Variants in CRYAB observed in about 807,000 individuals in gnomAD.
CRYAB encodes crystallin alpha B.
Under a neutral mutation model 12.7 loss-of-function variants are expected in CRYAB, and 9 were observed. The observed-to-expected ratio is 0.71, with a 90% CI of 0.43 to 1.24. The LOEUF is 1.24. Ranked by LOEUF, CRYAB falls within the 50% of genes most tolerant of loss-of-function variation. The probability of loss-of-function intolerance (pLI) is 0.00; values close to 1 mark genes in which losing one functional copy is unlikely to be tolerated. For missense variants in CRYAB, 183 were observed against 226.6 expected (o/e 0.81, Z 1.24); for synonymous variants, 93 against 86.8 (o/e 1.07, Z -0.40).
intron 2 of CRYAB, chr11:111,909,323 C>T (rs1965378803): frequency 4.4e-6 from 2 of 452,244 alleles, no homozygotes; most frequent in African/African-American, 2.0e-5. Flanking sequence ...CTGAAATTGT[C>T]CTGACTCTTC....
upstream of CRYAB, among the ~76,000 whole-genome samples, chr11:111,917,681 A>ATT (rs782338964): frequency 1.4e-5 from 2 of 143,110 alleles, no homozygotes; most frequent in African/African-American, 5.1e-5. Flanking sequence ...CTCTAAAAAG[A>ATT]TTTTTTTTTT....
chr11:111,920,799 A>G (rs1965684472), intron 1 of CRYAB, among the ~76,000 whole-genome samples: 1 of 152,152 alleles, frequency 6.6e-6, no homozygotes, highest in African/African-American at 2.4e-5. Flanking sequence ...CAGAAGTAGG[A>G]AAAAGAAGAA....
intron 1 of CRYAB, among the ~76,000 whole-genome samples, chr11:111,923,540 A>G (rs587658415): frequency 8.5e-5 from 13 of 152,322 alleles, no homozygotes; most frequent in African/African-American, 2.9e-4. Context: ...ATCCGGAGTA[A>G]GCCCCAAACT....
chr11:111,916,834 CCTTTTCTTTT>C (rs1231355997), upstream of CRYAB, among the ~76,000 whole-genome samples: 1 of 151,788 alleles, frequency 6.6e-6, no homozygotes, highest in Non-Finnish European at 1.5e-5. Context: ...GATTTCCTTT[CCTTTTCTTTT>C]CTTTTCCTTT....
At chr11:111,919,361 T>TA (rs1292330119) in intron 1 of CRYAB, 3 of 207,382 alleles carry the variant, frequency 1.4e-5, no homozygotes, top group Non-Finnish European at 3.0e-5. Flanking sequence ...TAGTCCCAGC[T>TA]ACTCGGGAGG....
At chr11:111,921,913 A>C (rs1965706324) in intron 1 of CRYAB, among the ~76,000 whole-genome samples, 1 of 152,232 alleles carries the variant, frequency 6.6e-6, no homozygotes, top group African/African-American at 2.4e-5. Context: ...GCTCGCTGCA[A>C]CCTTAGCCTC....
intron 1 of CRYAB, among the ~76,000 whole-genome samples, chr11:111,919,596 T>G (rs587594197): frequency 6.6e-6 from 1 of 152,346 alleles, no homozygotes; most frequent in South Asian, 2.1e-4. Context: ...TTCTTTCCCT[T>G]TCTTCCTGGA....
Position 111,910,375 on chromosome 11 carries a change from C to G in CRYAB, c.276G>C (p.Lys92Asn). Residue 92 changes from lysine (K) to asparagine (N), a missense_variant, in exon 2 of 3, where the codon AAG becomes AAC. By Grantham distance (94) the Lys-to-Asn change is moderately conservative (BLOSUM62 0). Coordinates refer to ENST00000650687, the MANE Select transcript of CRYAB (RefSeq NM_001289808.2). ...KHFSPEELKV[K>N]VLGDVIEVHG... ...GCACCTCAATCACATCTCCCAACACCTTAACTTTGAGTTCCTCTGGGGAGA... is the reference window on the plus strand; with the variant it reads ...GCACCTCAATCACATCTCCCAACACGTTAACTTTGAGTTCCTCTGGGGAGA... 6.2e-7 allele frequency: 1 copy of G among 1,614,228 alleles called. No homozygotes were observed. Among genetic ancestry groups the G allele is most frequent in the Middle Eastern group, 1.6e-4 (1 of 6,062 alleles).
chr11:111,915,543 C>T (rs1221310879), upstream of CRYAB, among the ~76,000 whole-genome samples: 1 of 152,132 alleles, frequency 6.6e-6, no homozygotes, highest in Non-Finnish European at 1.5e-5. Context: ...TAGACTTCAA[C>T]CAAAATAGCT....
chr11:111,909,206 C>T (rs1280958718), intron 2 of CRYAB: 1 of 599,488 alleles, frequency 1.7e-6, no homozygotes, highest in Non-Finnish European at 3.1e-6. Flanking sequence ...TTTTTCAAAC[C>T]CTGAGGCATA....
chr11:111,910,159 A>C (rs1372622680), intron 2 of CRYAB, 168 bp downstream of exon 2: 1 of 818,884 alleles, frequency 1.2e-6, no homozygotes, highest in East Asian at 2.6e-5. Context: ...AACAACAGCA[A>C]TATGTCTATC....
chr11:111,910,778 G>C, intron 1 of CRYAB: 1 of 409,986 alleles, frequency 2.4e-6, no homozygotes, highest in Non-Finnish European at 4.5e-6. Context: ...TGGTTTGTCT[G>C]TGAGACAAAG....
At chr11:111,915,647 C>A (rs1449376338), upstream of CRYAB, among the ~76,000 whole-genome samples, 5 of 152,310 alleles carry the variant, frequency 3.3e-5, no homozygotes, top group East Asian at 3.9e-4. Context: ...TCCAAATCCC[C>A]TCTCCATTCA....
At chr11:111,918,646 G>C in intron 1 of CRYAB, 1 of 675,044 alleles carries the variant, frequency 1.5e-6, no homozygotes, top group Non-Finnish European at 2.7e-6. Context: ...GAAGCATTTC[G>C]TAAGGAAACC....
upstream of CRYAB, among the ~76,000 whole-genome samples, chr11:111,914,552 C>T (rs1965567864): frequency 1.3e-5 from 2 of 152,312 alleles, no homozygotes; most frequent in South Asian, 4.1e-4. Flanking sequence ...AGTATGCATA[C>T]ACAGGGCACA....
chr11:111,916,511 C>T (rs2137394263), upstream of CRYAB, among the ~76,000 whole-genome samples: 1 of 152,356 alleles, frequency 6.6e-6, no homozygotes, highest in East Asian at 1.9e-4. Context: ...GCGTGAGCCA[C>T]CACACCCAGC....
chr11:111,909,203 A>C (rs1555165298), intron 2 of CRYAB: 1 of 605,622 alleles, frequency 1.7e-6, no homozygotes, highest in South Asian at 1.5e-5. Flanking sequence ...TTGTTTTTCA[A>C]ACCCTGAGGC....
chr11:111,908,993 G>T, intron 2 of CRYAB, 26 bp from the exon 3 acceptor site: 1 of 1,612,514 alleles, frequency 6.2e-7, no homozygotes, highest in South Asian at 1.1e-5. Context: ...GAGGAAAGAG[G>T]CAGAGAGATA....
intron 2 of CRYAB, chr11:111,909,232 A>G (rs1965376262): frequency 3.7e-6 from 2 of 540,066 alleles, no homozygotes; most frequent in Non-Finnish European, 7.1e-6. Flanking sequence ...GTTTAGGGGT[A>G]TTTCCCAAAG....
Sources: allele counts gnomAD v4.1 joint callset (sites outside exome capture counted in the v4.1 genomes callset), GRCh38; gene constraint gnomAD v4.1.1; transcripts MANE v1.5; gene names NCBI Gene and HGNC (gene_info 2026-07-23, HGNC 2026-07-21).